Variants in EYA2 observed in about 807,000 individuals in gnomAD.
EYA2 encodes protein phosphatase EYA2.
Under a neutral mutation model 69.2 loss-of-function variants are expected in EYA2, and 31 were observed. The observed-to-expected ratio is 0.45, with a 90% CI of 0.34 to 0.60. The LOEUF is 0.60. EYA2 is among the 20% of genes least tolerant of loss of function. The pLI is 0.02. For synonymous variants in EYA2, 257 were observed against 279.4 expected, an observed-to-expected ratio of 0.92 and a Z score of 0.80; for missense variants, 622 against 701.2, an observed-to-expected ratio of 0.89 and a Z score of 1.28.
chr20:47,000,262 T>C (rs1469830562), intron 2 of EYA2, among the ~76,000 whole-genome samples: 23 of 152,238 alleles, frequency 1.5e-4, no homozygotes, highest in Admixed American at 1.5e-3. Flanking sequence ...CATCATCTCA[T>C]TTAATCCTTT....
In EYA2 at chr20:47,188,581, G is replaced by A; in HGVS notation, c.*448G>A. ...GTTTTTTGAACTGGTATGTGGGGTG[G>A]TTCACAGTTCTAATGTAAGCACTCT... On this transcript the variant is annotated 3_prime_UTR_variant, in exon 16 of 16. Coordinates refer to ENST00000327619, the MANE Select transcript of EYA2 (RefSeq NM_005244.5). 2 of 423,706 alleles carry A rather than the reference G, an allele frequency of 4.7e-6. No homozygotes were observed. Among genetic ancestry groups the A allele is most frequent in the Non-Finnish European group, 8.3e-6 (2 of 239,766 alleles). 26.2% of individuals were successfully genotyped at this position (423,706 alleles called of 1,614,324 possible).
rs527798245 is a variant in EYA2, at chr20:47,046,675, T to C, written c.416-25510T>C. 2.6e-5 allele frequency among the ~76,000 whole-genome samples: 4 copies of C among 152,324 alleles called. No individual in the cohort carries two copies. The East Asian group carries it at 7.7e-4, about 29-fold the overall frequency. ...TAATCTGCCTTTCTGGACTAGTCCA[T>C]TCATCTATTCAAAATGTGTCGCCAG... is the stretch of plus-strand genomic sequence containing the variant. On this transcript the variant is annotated intron_variant, in intron 5 of 15. Transcript: ENST00000327619.
chr20:47,024,746 G>C (rs1223662001), intron 5 of EYA2, among the ~76,000 whole-genome samples: 1 of 152,180 alleles, frequency 6.6e-6, no homozygotes, highest in East Asian at 1.9e-4. Flanking sequence ...TTCTCCTCTT[G>C]CAAGGATCAC....
intron 5 of EYA2, among the ~76,000 whole-genome samples, chr20:47,023,664 G>T (rs1983906250): frequency 8.6e-6 from 1 of 116,394 alleles, no homozygotes. Flanking sequence ...TGAAGACAGA[G>T]CCTTGCTCTG....
intron 10 of EYA2, chr20:47,161,480 A>T: frequency 2.2e-6 from 1 of 452,050 alleles, no homozygotes; most frequent in South Asian, 1.7e-5. Flanking sequence ...GGAAGAAGAG[A>T]TAGATCTCCT....
intron 5 of EYA2, among the ~76,000 whole-genome samples, chr20:47,031,359 T>C (rs1984403804): frequency 6.6e-6 from 1 of 152,160 alleles, no homozygotes; most frequent in African/African-American, 2.4e-5. Flanking sequence ...ACAGGGCAGG[T>C]GATCTGGTTT....
At chr20:47,173,002 G>A (rs147095301) in intron 12 of EYA2, 135 bp downstream of exon 12, 8 of 946,654 alleles carry the variant, frequency 8.5e-6, no homozygotes, top group East Asian at 5.5e-5. Context: ...CAACCCTGAC[G>A]ACACCCTTCG....
chr20:47,003,035 A>G (rs946273922), intron 3 of EYA2, among the ~76,000 whole-genome samples: 1 of 152,240 alleles, frequency 6.6e-6, no homozygotes, highest in Non-Finnish European at 1.5e-5. Context: ...GATGTAACCA[A>G]AATGGAATCA....
At chr20:47,053,040 G>T (rs2030421543) in intron 5 of EYA2, among the ~76,000 whole-genome samples, 1 of 152,134 alleles carries the variant, frequency 6.6e-6, no homozygotes. Context: ...CGTCTCCCCA[G>T]CCCTTAACCT....
At chr20:47,165,291 TAATC>T (rs1458425490) in intron 10 of EYA2, among the ~76,000 whole-genome samples, 2 of 152,160 alleles carry the variant, frequency 1.3e-5, no homozygotes, top group African/African-American at 2.4e-5. Context: ...CACCAAGCAT[TAATC>T]AGAGTCCTGG....
chr20:47,107,769 G>C (rs1436845454), intron 9 of EYA2, among the ~76,000 whole-genome samples: 1 of 106,862 alleles, frequency 9.4e-6, no homozygotes, highest in African/African-American at 2.9e-5. Context: ...GGAGAAGAAA[G>C]AAGAAGTAGG....
intron 1 of EYA2, among the ~76,000 whole-genome samples, chr20:46,948,109 C>CAG (rs74176890): frequency 1.5e-5 from 2 of 134,016 alleles, no homozygotes; most frequent in African/African-American, 2.8e-5. Context: ...GACCTTGTCT[C>CAG]AAAAAAAAAA....
At chr20:47,108,282 C>CCATTGTTGAAGGTGGGGCCTAAAGGGAG (rs2032647898) in intron 9 of EYA2, among the ~76,000 whole-genome samples, 1 of 152,064 alleles carries the variant, frequency 6.6e-6, no homozygotes, top group Admixed American at 6.6e-5. Context: ...TCTTAGTTCC[C>CCATTGTTGAAGGTGGGGCCTAAAGGGAG]GTGAGAACTC....
chr20:47,187,993 G>T, intron 15 of EYA2, 60 bp from the exon 16 acceptor site: 1 of 1,526,568 alleles, frequency 6.6e-7, no homozygotes. Flanking sequence ...CTAACCACAG[G>T]CGTGGAACCC....
At chr20:47,186,217 T>C (rs912408215) in intron 15 of EYA2, among the ~76,000 whole-genome samples, 13 of 152,162 alleles carry the variant, frequency 8.5e-5, no homozygotes, top group African/African-American at 3.1e-4. Flanking sequence ...CCATAAGTGT[T>C]TGTGACCTGT....
Position 46,986,974 on chromosome 20 carries a change from A to C in EYA2, c.-10-3027A>C, listed in dbSNP as rs571955362. ...ATCAGATCAAAAAGTCCATGTACAG[A>C]AAGTACTTCCTATGTGCAAGCCTGA... On this transcript the variant is annotated intron_variant, in intron 1 of 15. Coordinates refer to ENST00000327619, the MANE Select transcript of EYA2 (RefSeq NM_005244.5). Among the ~76,000 whole-genome samples the C allele has an allele frequency of 3.9e-5, 6 of 152,316 alleles. No individual in the cohort carries two copies. In the East Asian group the frequency reaches 1.2e-3, roughly 29 times the overall value.
At chr20:47,072,115 G>A in intron 5 of EYA2, 70 bp from the exon 6 acceptor site, 1 of 1,407,692 alleles carries the variant, frequency 7.1e-7, no homozygotes. Context: ...TTCATGAAAT[G>A]CTAACAACTG....
intron 1 of EYA2, among the ~76,000 whole-genome samples, chr20:46,952,156 G>A (rs1482629662): frequency 1.3e-5 from 2 of 152,188 alleles, no homozygotes; most frequent in Non-Finnish European, 2.9e-5. Flanking sequence ...GGAGTAGTGA[G>A]GGACCCTCCT....
chr20:46,960,290 G>GT (rs1979394656), intron 1 of EYA2, among the ~76,000 whole-genome samples: 1 of 152,098 alleles, frequency 6.6e-6, no homozygotes, highest in South Asian at 2.1e-4. Flanking sequence ...GGCTTAGAGA[G>GT]ACACTTTACC....
Sources: gnomAD v4.1 joint callset for allele counts (sites outside exome capture counted in the v4.1 genomes callset) on GRCh38, gnomAD v4.1.1 for gene constraint, MANE v1.5 for transcripts, NCBI Gene and HGNC (gene_info 2026-07-23, HGNC 2026-07-21) for gene names.